WWOX: variants seen among roughly 807,000 people sequenced by gnomAD.
The protein encoded by WWOX is WW domain-containing oxidoreductase.
WWOX carries 69 observed loss-of-function variants against 46.2 expected under a neutral mutation model. The ratio of observed to expected loss-of-function variants is 1.49; its 90% confidence interval spans 1.23 to 1.82. The LOEUF (loss-of-function observed/expected upper bound fraction) is 1.82. WWOX is among the 40% of genes most tolerant of loss of function. The pLI, the probability that WWOX is intolerant of heterozygous loss-of-function variation, is 0.00. For missense variants in WWOX, 919 were observed against 542.6 expected, an observed-to-expected ratio of 1.69 and a Z score of -6.89; for synonymous variants, 359 against 202.6, an observed-to-expected ratio of 1.77 and a Z score of -6.56.
At chr16:78,663,120 C>T (rs532123892) in intron 8 of WWOX, among the ~76,000 whole-genome samples, 1 of 152,160 alleles carries the variant, frequency 6.6e-6, no homozygotes, top group African/African-American at 2.4e-5. Context: ...TTTTATCACC[C>T]CTAAAAGAAA....
In WWOX at chr16:78,672,004, A is replaced by G. The variant is rs144583469; in HGVS notation, c.1056+239252A>G. Among the ~76,000 whole-genome samples the G allele has an allele frequency of 1.9e-3, 282 of 152,304 alleles. 1 individual carries two copies. Among genetic ancestry groups the G allele is most frequent in the African/African-American group, 6.3e-3 (263 of 41,580 alleles). On this transcript the variant is annotated intron_variant, in intron 8 of 8. Transcript: ENST00000566780. ...CAGTCTACTACGCAAAAGCAGGAAC[A>G]TCATCTGCTTTTGGGTAGTTAAGAG...
intron 8 of WWOX, among the ~76,000 whole-genome samples, chr16:78,561,432 C>T (rs931628309): frequency 6.6e-6 from 1 of 152,110 alleles, no homozygotes; most frequent in Non-Finnish European, 1.5e-5. Context: ...ATCTTAAGGG[C>T]AACTGATGTG....
chr16:78,555,842 G>A (rs888577135), intron 8 of WWOX, among the ~76,000 whole-genome samples: 1 of 152,048 alleles, frequency 6.6e-6, no homozygotes, highest in African/African-American at 2.4e-5. Flanking sequence ...AAATGAGAAT[G>A]CCAGCTTAAA....
At chr16:79,128,808 A>G (rs935642802) in intron 8 of WWOX, among the ~76,000 whole-genome samples, 4 of 152,166 alleles carry the variant, frequency 2.6e-5, no homozygotes, top group Admixed American at 6.5e-5. Context: ...GTCTCCTTAC[A>G]TATTTTGTTC....
rs76187616 is a variant in WWOX, at chr16:79,031,810, A to T, written c.1057-179798A>T. 3.7e-5 allele frequency among the ~76,000 whole-genome samples: 5 copies of T among 135,886 alleles called. No homozygotes were observed. In the South Asian group the frequency reaches 1.1e-3, roughly 31 times the overall value. 89.1% of individuals were successfully genotyped at this position (135,886 alleles called of 152,430 possible). The stretch of plus-strand genomic sequence containing the variant: ...ATAATCTATATATAGATATCTATAT[A>T]ATATATATAATCTATATATGATATA... On this transcript the variant is annotated intron_variant, in intron 8 of 8. Transcript: ENST00000566780.
At chr16:78,468,522 T>A (rs914273724) in intron 8 of WWOX, among the ~76,000 whole-genome samples, 1 of 152,180 alleles carries the variant, frequency 6.6e-6, no homozygotes, top group African/African-American at 2.4e-5. Flanking sequence ...CATGGTCCAT[T>A]GTCGGCCCTC....
intron 8 of WWOX, among the ~76,000 whole-genome samples, chr16:78,845,352 C>T (rs1276887539): frequency 6.6e-6 from 1 of 152,046 alleles, no homozygotes; most frequent in Non-Finnish European, 1.5e-5. Context: ...TGTAGAAATT[C>T]ACAGACCACG....
intron 8 of WWOX, among the ~76,000 whole-genome samples, chr16:78,656,550 A>C (rs753803666): frequency 6.6e-6 from 1 of 152,180 alleles, no homozygotes; most frequent in Non-Finnish European, 1.5e-5. Flanking sequence ...GGTACTACCC[A>C]CTTTTAAACA....
At chr16:78,266,741 G>A (rs143470038) in intron 5 of WWOX, among the ~76,000 whole-genome samples, 259 of 149,796 alleles carry the variant, frequency 1.7e-3, no homozygotes, top group African/African-American at 6.2e-3. Context: ...TTCCAACATC[G>A]CCTCCTATGT....
At chr16:78,329,543 G>C (rs1349525593) in intron 5 of WWOX, among the ~76,000 whole-genome samples, 2 of 152,140 alleles carry the variant, frequency 1.3e-5, no homozygotes. Context: ...GGCCTATGAG[G>C]CCAAGTTGCA....
chr16:78,913,215 G>C (rs1406127706), intron 8 of WWOX, among the ~76,000 whole-genome samples: 2 of 151,964 alleles, frequency 1.3e-5, no homozygotes, highest in Non-Finnish European at 2.9e-5. Flanking sequence ...GAGTGGGCTT[G>C]AGATAATTCT....
chr16:78,993,535 C>T (rs760491978), intron 8 of WWOX, among the ~76,000 whole-genome samples: 1 of 152,164 alleles, frequency 6.6e-6, no homozygotes, highest in African/African-American at 2.4e-5. Flanking sequence ...CAAAGGAGGA[C>T]TATTACAGTG....
intron 8 of WWOX, among the ~76,000 whole-genome samples, chr16:78,500,626 A>G (rs77340986): frequency 0.051 from 7,760 of 152,218 alleles, 302 homozygotes; most frequent in Non-Finnish European, 0.076. Flanking sequence ...ACTCATTACA[A>G]TTTATAAAAT....
intron 8 of WWOX, among the ~76,000 whole-genome samples, chr16:78,476,628 AAAG>A (rs997532190): frequency 4.6e-5 from 7 of 152,148 alleles, no homozygotes; most frequent in African/African-American, 1.7e-4. Context: ...TTAAAAAAAA[AAAG>A]AACTGGAGCA....
At chr16:78,860,471 T>G (rs1010877444) in intron 8 of WWOX, among the ~76,000 whole-genome samples, 1 of 152,060 alleles carries the variant, frequency 6.6e-6, no homozygotes, top group Admixed American at 6.6e-5. Context: ...ATTTATTCAT[T>G]TATGCAAATT....
chr16:78,452,227 A>G (rs2083707189), intron 8 of WWOX, among the ~76,000 whole-genome samples: 1 of 152,210 alleles, frequency 6.6e-6, no homozygotes, highest in Non-Finnish European at 1.5e-5. Context: ...GCACTCATAA[A>G]AAGAGATTGC....
chr16:78,910,501 C>T (rs1446011277), intron 8 of WWOX, among the ~76,000 whole-genome samples: 1 of 78,968 alleles, frequency 1.3e-5, no homozygotes, highest in Non-Finnish European at 2.8e-5. Flanking sequence ...GTATCAGGAT[C>T]TTTTGTTTTT....
intron 8 of WWOX, among the ~76,000 whole-genome samples, chr16:78,808,213 C>G (rs62036160): frequency 0.046 from 7,071 of 152,234 alleles, 203 homozygotes; most frequent in Non-Finnish European, 0.066. Flanking sequence ...ATATGCTCCT[C>G]CTGTGATACC....
intron 5 of WWOX, among the ~76,000 whole-genome samples, chr16:78,362,349 C>T (rs9926984): frequency 0.74 from 112,390 of 152,086 alleles, 42,995 homozygotes; most frequent in African/African-American, 0.84. Flanking sequence ...CAGGCTTAAG[C>T]CTGTAATCCC....
Sources: allele counts gnomAD v4.1 joint callset (sites outside exome capture counted in the v4.1 genomes callset), GRCh38; gene constraint gnomAD v4.1.1; transcripts MANE v1.5; gene names NCBI Gene and HGNC (gene_info 2026-07-23, HGNC 2026-07-21).